Variants in GLB1L2 observed in about 807,000 individuals in gnomAD.
The protein encoded by GLB1L2 is beta-galactosidase-1-like protein 2.
In GLB1L2, 68 loss-of-function variants were observed where a neutral mutation model predicts 84.1. That is an observed-to-expected ratio of 0.81 (90% CI 0.67 to 0.99). GLB1L2 has a LOEUF of 0.99. GLB1L2 is among the 50% of genes least tolerant of loss of function. The pLI is 0.00. For synonymous variants in GLB1L2, 290 were observed against 318.0 expected (o/e 0.91, Z 0.94); for missense variants, 762 against 805.6 (o/e 0.95, Z 0.66).
Position 134,370,234 on chromosome 11 carries a change from G to A in GLB1L2, c.1109-59G>A. The A allele has an allele frequency of 7.1e-7, 1 of 1,417,294 alleles. No homozygotes were observed. Among genetic ancestry groups the A allele is most frequent in the Non-Finnish European group, 1.0e-6 (1 of 1,001,822 alleles). 87.8% of individuals were successfully genotyped at this position (1,417,294 alleles called of 1,614,324 possible). On this transcript the variant is annotated intron_variant, in intron 11 of 18. Coordinates refer to ENST00000535456, the MANE Select transcript of GLB1L2 (RefSeq NM_001370461.1). The surrounding 1 kb of genome is among the most constrained non-coding windows in gnomAD (Gnocchi z 4.7). ...TCTGTGGATGGGAGCCGGGTGGGGA[G>A]GACGAGCAGGCAGTGACATTTGGGT...
At chr11:134,348,459 G>A (rs916467561) in intron 5 of GLB1L2, among the ~76,000 whole-genome samples, 6 of 152,140 alleles carry the variant, frequency 3.9e-5, no homozygotes, top group South Asian at 2.1e-4. Context: ...CAGGATGGCC[G>A]TCCTGGGAGC....
rs181172858 is a variant in GLB1L2, at chr11:134,347,234, G to A, written c.450-91G>A. On this transcript the variant is annotated intron_variant, in intron 4 of 18. Transcript: ENST00000535456. ...GGCACAGGTCATTCTGGAGCACTGG[G>A]GGGCCTCTCCCTTCTCACGCATCAA... 6.1e-4 allele frequency: 560 copies of A among 911,640 alleles called. 1 individual carries two copies. Among genetic ancestry groups the A allele is most frequent in the South Asian group, 1.8e-3 (133 of 75,596 alleles). The allele number at this position is 911,640 out of a possible 1,614,324, so 56.5% of individuals were successfully genotyped here.
intron 1 of GLB1L2, among the ~76,000 whole-genome samples, chr11:134,342,235 G>A (rs551592881): frequency 3.9e-5 from 6 of 152,222 alleles, no homozygotes; most frequent in South Asian, 4.1e-4. Context: ...GGGTCACCTC[G>A]TGGGGGGTGC....
intron 7 of GLB1L2, among the ~76,000 whole-genome samples, chr11:134,361,950 C>G (rs2136281527): frequency 6.6e-6 from 1 of 152,328 alleles, no homozygotes; most frequent in East Asian, 1.9e-4. Context: ...GCCCGCCCTC[C>G]CCTTCTCGTG....
rs761413146 is a variant in GLB1L2, at chr11:134,371,073, C to T, written c.1281C>T (p.Ser427=). 6.2e-7 allele frequency: 1 copy of T among 1,614,138 alleles called. No individual in the cohort carries two copies. The highest frequency in any genetic ancestry group is 8.5e-7 in the Non-Finnish European group (1 of 1,180,014). ...CAGTCAATGGGGGAAATGGACAGTC[C>T]TTCGGGTACATTCTCTATGAGACCA... is the stretch of plus-strand genomic sequence containing the variant. ...NLPVNGGNGQ[S]FGYILYETSI... is the part of the protein sequence containing the mutation. Residue 427 remains serine, a synonymous_variant, in exon 13 of 19, where the codon TCC becomes TCT. Transcript: ENST00000535456.
intron 1 of GLB1L2, among the ~76,000 whole-genome samples, chr11:134,332,523 C>T (rs1247932114): frequency 2.6e-5 from 4 of 152,170 alleles, no homozygotes; most frequent in Non-Finnish European, 5.9e-5. Flanking sequence ...GGAGAGCTCC[C>T]TCTGCCCTTC....
intron 5 of GLB1L2, among the ~76,000 whole-genome samples, chr11:134,354,975 A>G (rs1254508450): frequency 1.3e-5 from 2 of 152,112 alleles, no homozygotes; most frequent in Admixed American, 6.6e-5. Flanking sequence ...CATAATTCAT[A>G]TATTATTCTG....
At position 134,371,095 on chromosome 11, in the gene GLB1L2, A is replaced by T. The variant is rs1474522320; in HGVS notation, c.1303A>T (p.Thr435Ser). The T allele has an allele frequency of 1.2e-6, 2 of 1,614,052 alleles. No individual in the cohort carries two copies. Among genetic ancestry groups the T allele is most frequent in the African/African-American group, 1.3e-5 (1 of 74,934 alleles). ...GTCCTTCGGGTACATTCTCTATGAGACCAGCATCACCTCGTCTGGCATCCT... is the reference window on the plus strand; with the variant it reads ...GTCCTTCGGGTACATTCTCTATGAGTCCAGCATCACCTCGTCTGGCATCCT... ...GQSFGYILYE[T>S]SITSSGILSG... The change falls in exon 13 of 19, where the codon ACC becomes TCC. Residue 435 changes from threonine to serine, a missense_variant. Thr to Ser is a moderately conservative substitution (Grantham distance 58). Around this residue, in one of 3 missense-constraint regions of GLB1L2, gnomAD observed 603 missense variants for 611.7 expected, o/e 0.99. Coordinates refer to ENST00000535456, the MANE Select transcript of GLB1L2 (RefSeq NM_001370461.1).
intron 7 of GLB1L2, among the ~76,000 whole-genome samples, chr11:134,361,803 G>C (rs76057745): frequency 0.03 from 4,566 of 152,192 alleles, 226 homozygotes; most frequent in African/African-American, 0.1. Context: ...GCTTCCTGGA[G>C]TTCCAGGAAA....
intron 5 of GLB1L2, among the ~76,000 whole-genome samples, chr11:134,350,023 C>T (rs1943604724): frequency 6.6e-6 from 1 of 152,172 alleles, no homozygotes; most frequent in African/African-American, 2.4e-5. Flanking sequence ...TCTTTGCTCT[C>T]CTCTCCTTAA....
intron 5 of GLB1L2, among the ~76,000 whole-genome samples, chr11:134,355,423 G>A (rs1054305256): frequency 2.0e-5 from 3 of 151,956 alleles, no homozygotes; most frequent in African/African-American, 7.3e-5. Context: ...TTGGGCTTTT[G>A]AAAAAACAAA....
In GLB1L2 at chr11:134,371,505, TG is replaced by T; in HGVS notation, c.1428+16del. On this transcript the variant is annotated intron_variant, in intron 14 of 18. Transcript: ENST00000535456. Reference sequence around the variant, plus strand: ...CCCCCTGATCCAGGTTCGTTGTTTTTGGGAGCTGGGTGATGGCTAGCCCCCG... The same window carrying T: ...CCCCCTGATCCAGGTTCGTTGTTTTTGGAGCTGGGTGATGGCTAGCCCCCG... 6.6e-7 allele frequency: 1 copy of T among 1,513,984 alleles called. No homozygotes were observed. Among genetic ancestry groups the T allele is most frequent in the South Asian group, 1.1e-5 (1 of 88,994 alleles). 93.8% of individuals were successfully genotyped at this position (1,513,984 alleles called of 1,614,324 possible).
intron 1 of GLB1L2, among the ~76,000 whole-genome samples, chr11:134,332,581 C>T (rs1477009112): frequency 6.6e-6 from 1 of 152,140 alleles, no homozygotes; most frequent in Non-Finnish European, 1.5e-5. Context: ...CGCCTTATTC[C>T]GCAGAGGCCG....
intron 18 of GLB1L2, 124 bp from the exon 19 acceptor site, chr11:134,374,848 T>C (rs1471177513): frequency 1.7e-6 from 2 of 1,166,518 alleles, no homozygotes; most frequent in Non-Finnish European, 2.5e-6. Flanking sequence ...AGACGAGTTG[T>C]TGGTCCCTGT....
chr11:134,347,989 C>T (rs565884071), intron 5 of GLB1L2, among the ~76,000 whole-genome samples: 7 of 152,178 alleles, frequency 4.6e-5, no homozygotes, highest in Admixed American at 2.6e-4. Flanking sequence ...CGTTAAAGTA[C>T]GTTTTGGGGG....
chr11:134,374,132 G>A lies in GLB1L2; in HGVS notation c.1596-13G>A, dbSNP rs969902249. On this transcript the variant is annotated splice_polypyrimidine_tract_variant and intron_variant, in intron 16 of 18. Coordinates refer to ENST00000535456, the MANE Select transcript of GLB1L2 (RefSeq NM_001370461.1). ...GGGCCTCCTCCCTCTCCTTCTCTGT[G>A]TTCTGTCCTTAGGTTCGGCCTGGAC... The A allele has an allele frequency of 3.8e-5, 61 of 1,588,526 alleles. No individual in the cohort carries two copies. Among genetic ancestry groups the A allele is most frequent in the Non-Finnish European group, 5.2e-5 (60 of 1,156,922 alleles).
At chr11:134,359,025 A>G in intron 6 of GLB1L2, 35 bp from the exon 7 acceptor site, 4 of 1,500,986 alleles carry the variant, frequency 2.7e-6, no homozygotes, top group Non-Finnish European at 3.6e-6. Flanking sequence ...CTAAGGAGCC[A>G]GGGCAGACGA....
At chr11:134,373,901 C>T (rs1943990350) in intron 16 of GLB1L2, 93 bp downstream of exon 16, 3 of 975,904 alleles carry the variant, frequency 3.1e-6, no homozygotes, top group Non-Finnish European at 4.7e-6. Flanking sequence ...GCCTGGCCCG[C>T]ACCCAGGTGT....
intron 10 of GLB1L2, among the ~76,000 whole-genome samples, 197 bp from the exon 11 acceptor site, chr11:134,369,608 C>T (rs1006837780): frequency 2.6e-5 from 4 of 152,136 alleles, no homozygotes; most frequent in Non-Finnish European, 4.4e-5. Context: ...AGCCGCTGCA[C>T]CTGGCCTTAT....
Sources: gnomAD v4.1 joint callset for allele counts (sites outside exome capture counted in the v4.1 genomes callset) on GRCh38, gnomAD v4.1.1 for gene constraint, gnomAD v4.1.1 regional missense constraint, Gnocchi (gnomAD v3.1) non-coding constraint, MANE v1.5 for transcripts, NCBI Gene and HGNC (gene_info 2026-07-23, HGNC 2026-07-21) for gene names.